TAFA2: variants seen among roughly 807,000 people sequenced by gnomAD.
The protein encoded by TAFA2 is TAFA chemokine like family member 2.
A neutral mutation model predicts 18.8 loss-of-function variants in TAFA2; 7 were observed. That is an observed-to-expected ratio of 0.37 (90% CI 0.21 to 0.70). TAFA2 has a LOEUF of 0.70. Ranked by LOEUF, TAFA2 falls within the 30% of genes least tolerant of loss-of-function variation. The pLI is 0.53. For missense variants in TAFA2, 122 were observed against 158.1 expected (o/e 0.77, Z 1.23); for synonymous variants, 60 against 54.2 (o/e 1.11, Z -0.47).
At chr12:62,034,222 A>C (rs1253367686) in intron 1 of TAFA2, among the ~76,000 whole-genome samples, 1 of 152,142 alleles carries the variant, frequency 6.6e-6, no homozygotes, top group African/African-American at 2.4e-5. Flanking sequence ...TTACCAAGCA[A>C]TGTCAGCAGA....
chr12:61,753,938 A>T (rs1869141015), intron 3 of TAFA2, among the ~76,000 whole-genome samples, 192 bp from the exon 4 acceptor site: 1 of 152,054 alleles, frequency 6.6e-6, no homozygotes, highest in Non-Finnish European at 1.5e-5. Context: ...TTTCTTTAAA[A>T]CATTTTTTAT....
At chr12:62,038,314 G>A (rs1881665062) in intron 1 of TAFA2, among the ~76,000 whole-genome samples, 1 of 152,144 alleles carries the variant, frequency 6.6e-6, no homozygotes, top group Non-Finnish European at 1.5e-5. Flanking sequence ...TTCACTATAT[G>A]TATATTAAAA....
At chr12:61,969,733 A>C (rs1359852441) in intron 1 of TAFA2, among the ~76,000 whole-genome samples, 1 of 151,742 alleles carries the variant, frequency 6.6e-6, no homozygotes, top group Non-Finnish European at 1.5e-5. Context: ...AAAGAAGGAG[A>C]TATTCACTAA....
chr12:61,879,409 G>GC, intron 1 of TAFA2: 1 of 704,132 alleles, frequency 1.4e-6, no homozygotes, highest in South Asian at 1.5e-5. Flanking sequence ...TGGTCCCGGT[G>GC]CCCCCATCAG....
At chr12:61,910,097 TGTTTGTGTG>T (rs1565677882) in intron 1 of TAFA2, among the ~76,000 whole-genome samples, 1,481 of 93,790 alleles carry the variant, frequency 0.016, 22 homozygotes, top group African/African-American at 0.056. Context: ...TGTGTGTGTG[TGTTTGTGTG>T]TGTGTGTGTG....
At position 61,996,820 on chromosome 12, in the gene TAFA2, T is replaced by C. The variant is rs143531035; in HGVS notation, c.-1-129394A>G. On this transcript the variant is annotated intron_variant, in intron 1 of 4. Coordinates refer to ENST00000416284, the MANE Select transcript of TAFA2 (RefSeq NM_178539.5). ...TAAGTCTCAAGCAATTTCCAAAGTC[T>C]ATTTCTCTATTTTTATAACCTTACC... 4.0e-4 allele frequency among the ~76,000 whole-genome samples: 61 copies of C among 152,308 alleles called. 1 individual carries two copies. The East Asian group carries it at 0.01, about 25-fold the overall frequency.
chr12:61,834,214 G>A (rs1432534263), intron 2 of TAFA2, among the ~76,000 whole-genome samples: 2 of 151,880 alleles, frequency 1.3e-5, no homozygotes, highest in Non-Finnish European at 2.9e-5. Flanking sequence ...AATCTCCACC[G>A]TTTTGCTCTT....
rs190238484 is a variant in TAFA2 at position 61,976,831 on chromosome 12, T to C, written c.-1-109405A>G. Among the ~76,000 whole-genome samples, 349 of 152,208 alleles carry C rather than the reference T, an allele frequency of 2.3e-3. 2 individuals carry two copies. The highest frequency in any genetic ancestry group is 8.0e-3 in the African/African-American group (332 of 41,554). The stretch of plus-strand genomic sequence containing the variant: ...GAATGATGGTTTCCAGCTTCATCCA[T>C]GTCCCTGCAAAGGACATGAACTCAT... On this transcript the variant is annotated intron_variant, in intron 1 of 4. Transcript: ENST00000416284.
intron 1 of TAFA2, among the ~76,000 whole-genome samples, chr12:62,150,109 C>T (rs941749856): frequency 6.6e-6 from 1 of 152,126 alleles, no homozygotes; most frequent in Non-Finnish European, 1.5e-5. Flanking sequence ...TGTTTTTTGA[C>T]CCAATTACCA....
intron 4 of TAFA2, among the ~76,000 whole-genome samples, chr12:61,724,751 ATGTG>A (rs71083953): frequency 0.16 from 18,749 of 114,034 alleles, 1,910 homozygotes; most frequent in South Asian, 0.23. Context: ...TGGTATGTCT[ATGTG>A]TGTGTGTGTG....
At chr12:61,812,784 G>T (rs1174199705) in intron 2 of TAFA2, among the ~76,000 whole-genome samples, 4 of 151,006 alleles carry the variant, frequency 2.6e-5, no homozygotes, top group African/African-American at 4.9e-5. Context: ...TGGTCAGGCT[G>T]GTCTTGAACT....
At chr12:61,916,765 AG>A in intron 1 of TAFA2, among the ~76,000 whole-genome samples, 1 of 152,136 alleles carries the variant, frequency 6.6e-6, no homozygotes, top group South Asian at 2.1e-4. Flanking sequence ...TGTAGATTCA[AG>A]ATAAATATCT....
intron 1 of TAFA2, among the ~76,000 whole-genome samples, chr12:62,120,901 G>A (rs191089465): frequency 2.6e-5 from 4 of 151,836 alleles, no homozygotes; most frequent in Admixed American, 2.6e-4. Flanking sequence ...TATTGCCCAC[G>A]CTGGAGTGCA....
intron 2 of TAFA2, among the ~76,000 whole-genome samples, chr12:61,796,288 C>T (rs1217440300): frequency 6.6e-6 from 1 of 152,036 alleles, no homozygotes; most frequent in Non-Finnish European, 1.5e-5. Context: ...TGGCCATCCA[C>T]AGGTAAATAG....
At chr12:61,931,072 G>A (rs1223289280) in intron 1 of TAFA2, among the ~76,000 whole-genome samples, 5 of 152,112 alleles carry the variant, frequency 3.3e-5, no homozygotes, top group African/African-American at 9.7e-5. Context: ...TAAAGAAATT[G>A]CGCTGTTCAA....
intron 4 of TAFA2, among the ~76,000 whole-genome samples, chr12:61,728,031 TG>T (rs936658847): frequency 2.0e-4 from 22 of 108,832 alleles, no homozygotes; most frequent in Non-Finnish European, 1.4e-4. Flanking sequence ...TTTTGAGGGT[TG>T]TTTTTTTTTT....
chr12:62,127,601 T>C (rs1406749653), intron 1 of TAFA2, among the ~76,000 whole-genome samples: 1 of 152,044 alleles, frequency 6.6e-6, no homozygotes, highest in Non-Finnish European at 1.5e-5. Flanking sequence ...TAATGGGGGA[T>C]GGACGTACTT....
At chr12:62,089,604 G>A (rs1213151984) in intron 1 of TAFA2, among the ~76,000 whole-genome samples, 1 of 152,082 alleles carries the variant, frequency 6.6e-6, no homozygotes, top group East Asian at 1.9e-4. Context: ...GGATGGGGGA[G>A]ACAGAGAGAG....
chr12:61,735,053 A>G (rs994090076), intron 4 of TAFA2, among the ~76,000 whole-genome samples: 3 of 152,072 alleles, frequency 2.0e-5, no homozygotes, highest in Admixed American at 6.6e-5. Context: ...TGAGGACTTA[A>G]TAAGTGTTAG....
Sources: allele counts gnomAD v4.1 joint callset (sites outside exome capture counted in the v4.1 genomes callset), GRCh38; gene constraint gnomAD v4.1.1; transcripts MANE v1.5; gene names NCBI Gene and HGNC (gene_info 2026-07-23, HGNC 2026-07-21).